The following TMEM143 variants were observed in gnomAD, a reference collection of about 807,000 sequenced individuals.
TMEM143 encodes the protein transmembrane protein 143.
Under a neutral mutation model 40.3 loss-of-function variants are expected in TMEM143, and 45 were observed. The observed-to-expected ratio is 1.12, with a 90% CI of 0.88 to 1.43. The LOEUF (loss-of-function observed/expected upper bound fraction) is 1.43, where lower values mean the gene tolerates loss of function less well. TMEM143 is among the 40% of genes most tolerant of loss of function. The pLI is 0.00. For synonymous variants in TMEM143, 299 were observed against 282.7 expected (o/e 1.06, Z -0.58); for missense variants, 620 against 613.4 (o/e 1.01, Z -0.11).
intron 3 of TMEM143, among the ~76,000 whole-genome samples, chr19:48,358,001 C>G (rs1232454055): frequency 6.6e-6 from 1 of 151,914 alleles, no homozygotes; most frequent in African/African-American, 2.4e-5. Context: ...ATGGGCACAC[C>G]AAAATCTCAG....
In TMEM143 at chr19:48,354,211, G is replaced by A. The variant is rs1230294324; in HGVS notation, c.369+5861C>T. Among the ~76,000 whole-genome samples, 7 of 149,802 alleles carry A rather than the reference G, an allele frequency of 4.7e-5. No individual in the cohort carries two copies. In the East Asian group the frequency reaches 5.9e-4, roughly 13 times the overall value. The stretch of plus-strand genomic sequence containing the variant: ...TGACCTCATGTGATCCACCTGCCTC[G>A]GCCTCCCAAAGTGCTGGGATTATAG... On this transcript the variant is annotated intron_variant, in intron 3 of 7. Coordinates refer to ENST00000293261, the MANE Select transcript of TMEM143 (RefSeq NM_018273.4).
intron 3 of TMEM143, among the ~76,000 whole-genome samples, chr19:48,353,140 G>A (rs1333826539): frequency 6.6e-6 from 1 of 151,648 alleles, no homozygotes; most frequent in South Asian, 2.1e-4. Context: ...AGGGCTGACT[G>A]TGCAGGACAC....
chr19:48,355,662 A>T (rs778980004), intron 3 of TMEM143, among the ~76,000 whole-genome samples: 2 of 152,180 alleles, frequency 1.3e-5, no homozygotes, highest in Non-Finnish European at 2.9e-5. Flanking sequence ...CAGTGGTGGG[A>T]TGTGGCGAGG....
intron 3 of TMEM143, among the ~76,000 whole-genome samples, chr19:48,357,154 G>A (rs925178496): frequency 3.3e-5 from 5 of 149,942 alleles, no homozygotes; most frequent in African/African-American, 4.9e-5. Context: ...ACAGGGTTTC[G>A]TCATGCTGGC....
intron 6 of TMEM143, among the ~76,000 whole-genome samples, chr19:48,334,504 CTTTCT>C (rs1392506002): frequency 1.8e-5 from 2 of 111,696 alleles, no homozygotes; most frequent in African/African-American, 3.7e-5. Flanking sequence ...TTCGTTCTTT[CTTTCT>C]TTTCTTTCTT....
chr19:48,363,818 G>A (rs1600935013), intron 1 of TMEM143, 80 bp downstream of exon 1: 1 of 1,598,756 alleles, frequency 6.3e-7, no homozygotes, highest in Non-Finnish European at 8.6e-7. Context: ...TCTTAGGAGA[G>A]CAGGAAATGC....
In TMEM143 at chr19:48,348,025, CA is replaced by C. The variant is rs556686693; in HGVS notation, c.370-2672del. 2.0e-3 allele frequency among the ~76,000 whole-genome samples: 206 copies of C among 103,256 alleles called. No individual in the cohort carries two copies. In the East Asian group the frequency reaches 0.022, roughly 11 times the overall value. 67.7% of individuals were successfully genotyped at this position (103,256 alleles called of 152,430 possible). A position where few individuals can be genotyped will look rare whatever the true frequency, so the allele number is the denominator to read the frequency against. ...TGGGTGACAGAGCGAGACCCTGTCT[CA>C]AAAAAAAAAAAAAAGAAAAAGAGAA... On this transcript the variant is annotated intron_variant, in intron 3 of 7. Transcript: ENST00000293261.
chr19:48,338,055 A>T (rs991661558), intron 6 of TMEM143, among the ~76,000 whole-genome samples: 2 of 152,098 alleles, frequency 1.3e-5, no homozygotes, highest in African/African-American at 4.8e-5. Context: ...CCCACAAGGA[A>T]TACAGCACTC....
At chr19:48,356,050 G>A (rs886612126) in intron 3 of TMEM143, among the ~76,000 whole-genome samples, 10 of 152,174 alleles carry the variant, frequency 6.6e-5, no homozygotes, top group Non-Finnish European at 1.0e-4. Flanking sequence ...TGACTCCACC[G>A]GGAGAGGACA....
At chr19:48,343,694 C>T (rs576080675) in intron 4 of TMEM143, among the ~76,000 whole-genome samples, 1 of 152,234 alleles carries the variant, frequency 6.6e-6, no homozygotes, top group South Asian at 2.1e-4. Flanking sequence ...ATCTAAGGTG[C>T]CACTGACTCT....
intron 3 of TMEM143, among the ~76,000 whole-genome samples, chr19:48,352,883 T>G (rs1230849659): frequency 6.6e-6 from 1 of 152,022 alleles, no homozygotes; most frequent in Non-Finnish European, 1.5e-5. Context: ...TCCCAAAGTG[T>G]TAGAGTTACA....
chr19:48,350,232 C>T (rs567875616), intron 3 of TMEM143, among the ~76,000 whole-genome samples: 6 of 151,372 alleles, frequency 4.0e-5, no homozygotes, highest in Non-Finnish European at 7.4e-5. Context: ...AGGCTGGTCT[C>T]GAACTCCTGA....
At chr19:48,360,373 T>A (rs1970011502) in intron 2 of TMEM143, 197 bp from the exon 3 acceptor site, 1 of 532,850 alleles carries the variant, frequency 1.9e-6, no homozygotes, top group Non-Finnish European at 3.3e-6. Context: ...AAGTCAGGAG[T>A]TCAAGACCAG....
chr19:48,335,638 G>A (rs910430953), intron 6 of TMEM143, among the ~76,000 whole-genome samples: 2 of 152,064 alleles, frequency 1.3e-5, no homozygotes, highest in African/African-American at 4.8e-5. Context: ...CAGGAGAATC[G>A]CTTGAACCTG....
intron 5 of TMEM143, 157 bp from the exon 6 acceptor site, chr19:48,342,966 A>C (rs1969537715): frequency 1.1e-6 from 1 of 923,594 alleles, no homozygotes; most frequent in Non-Finnish European, 1.6e-6. Context: ...AGCTGTGTCC[A>C]ACCACAGGGG....
intron 3 of TMEM143, among the ~76,000 whole-genome samples, chr19:48,348,036 A>AAAAAG (rs1208749714): frequency 5.5e-5 from 8 of 146,084 alleles, no homozygotes; most frequent in Admixed American, 1.3e-4. Context: ...AAAAAAAAAA[A>AAAAAG]AAAAGAAAAA....
At chr19:48,363,601 C>A in intron 1 of TMEM143, 70 bp from the exon 2 acceptor site, 1 of 1,526,004 alleles carries the variant, frequency 6.6e-7, no homozygotes, top group East Asian at 2.3e-5. Flanking sequence ...CCTCCACGTC[C>A]CACCCTCCAG....
chr19:48,338,994 C>T (rs1050734266), intron 6 of TMEM143, among the ~76,000 whole-genome samples: 4 of 152,082 alleles, frequency 2.6e-5, no homozygotes, highest in Non-Finnish European at 5.9e-5. Flanking sequence ...AGGGTGGGGG[C>T]GCCGCAAGCA....
rs36077135 is a variant in TMEM143, at chr19:48,356,596, A to ATTTTTTTTTTTTTTTTT, written c.369+3459_369+3475dup. On this transcript the variant is annotated intron_variant, in intron 3 of 7. Coordinates refer to ENST00000293261, the MANE Select transcript of TMEM143 (RefSeq NM_018273.4). ...AGACATGCGCTACCAGGCCCAGGTA[A>ATTTTTTTTTTTTTTTTT]TTTTTTTTTTTTTTTTTTGAGATGG... Among the ~76,000 whole-genome samples, 3 of 135,874 alleles carry ATTTTTTTTTTTTTTTTT rather than the reference A, an allele frequency of 2.2e-5. 1 individual carries two copies. Among genetic ancestry groups the ATTTTTTTTTTTTTTTTT allele is most frequent in the Non-Finnish European group, 4.7e-5 (3 of 64,192 alleles). The allele number at this position is 135,874 out of a possible 152,430, so 89.1% of individuals were successfully genotyped here.
Sources: allele counts gnomAD v4.1 joint callset (sites outside exome capture counted in the v4.1 genomes callset), GRCh38; gene constraint gnomAD v4.1.1; transcripts MANE v1.5; gene names NCBI Gene and HGNC (gene_info 2026-07-23, HGNC 2026-07-21).